The following VANGL2 variants were observed in gnomAD, a reference collection of about 807,000 sequenced individuals.
VANGL2 encodes the protein vang-like protein 2.
Under a neutral mutation model 50.2 loss-of-function variants are expected in VANGL2, and 14 were observed. The observed-to-expected ratio is 0.28, with a 90% CI of 0.18 to 0.44. VANGL2 has a LOEUF of 0.44. Among genes scored for constraint, VANGL2 ranks in the 20% least tolerant of loss-of-function variants. The pLI is 1.00. For missense variants in VANGL2, 533 were observed against 701.5 expected, an observed-to-expected ratio of 0.76 and a Z score of 2.71; for synonymous variants, 295 against 297.2, an observed-to-expected ratio of 0.99 and a Z score of 0.08.
Position 160,416,057 on chromosome 1 carries a change from C to G in VANGL2, c.72-5C>G. On this transcript the variant is annotated splice_region_variant and splice_polypyrimidine_tract_variant and intron_variant, in intron 2 of 7. Coordinates refer to ENST00000368061, the MANE Select transcript of VANGL2 (RefSeq NM_020335.3). ...TTCTGTGCCTTTTCTGGCTTCCTGC[C>G]GCAGGGACCGCCGGGACCGACACCG... 1 of 1,614,200 alleles carries G rather than the reference C, an allele frequency of 6.2e-7. No individual in the cohort carries two copies. Among genetic ancestry groups the G allele is most frequent in the South Asian group, 1.1e-5 (1 of 91,078 alleles).
Position 160,425,207 on chromosome 1 carries a change from G to A in VANGL2, c.1395G>A (p.Glu465=). 6.2e-7 allele frequency: 1 copy of A among 1,614,148 alleles called. No individual in the cohort carries two copies. Among genetic ancestry groups the A allele is most frequent in the Non-Finnish European group, 8.5e-7 (1 of 1,180,026 alleles). The change falls in exon 8 of 8, where the codon GAG becomes GAA. Residue 465 remains glutamate, a synonymous_variant. Coordinates refer to ENST00000368061, the MANE Select transcript of VANGL2 (RefSeq NM_020335.3). ...WLAKQWTLVS[E]EPVTNGLKDG... is the part of the protein sequence containing the mutation. ...CCAAACAGTGGACATTGGTGAGCGA[G>A]GAGCCGGTGACCAACGGCCTCAAGG... is the stretch of plus-strand genomic sequence containing the variant.
chr1:160,403,230 A>G (rs1650543078), intron 1 of VANGL2, among the ~76,000 whole-genome samples: 1 of 151,730 alleles, frequency 6.6e-6, no homozygotes, highest in African/African-American at 2.4e-5. Context: ...AGGCACTTGC[A>G]TCTAAGATGG....
At position 160,427,058 on chromosome 1, in the gene VANGL2, A is replaced by G. The variant is rs74354966; in HGVS notation, c.*1680A>G. The G allele has an allele frequency of 7.7e-3, 1,178 of 152,842 alleles. 10 individuals carry two copies. The highest frequency in any genetic ancestry group is 0.027 in the African/African-American group (1,110 of 41,576). The allele number at this position is 152,842 out of a possible 1,614,324, so 9.5% of individuals were successfully genotyped here. On this transcript the variant is annotated 3_prime_UTR_variant, in exon 8 of 8. Coordinates refer to ENST00000368061, the MANE Select transcript of VANGL2 (RefSeq NM_020335.3). The stretch of plus-strand genomic sequence containing the variant: ...ATGCTAGAGAGGAGCTCATTGGCCA[A>G]TGCTTACCTTGTCCCCAAAGGGGTG...
chr1:160,421,933 T>G (rs897395139), intron 6 of VANGL2, among the ~76,000 whole-genome samples: 2 of 152,184 alleles, frequency 1.3e-5, no homozygotes, highest in Non-Finnish European at 2.9e-5. Context: ...TATATTTTGG[T>G]AAATTCTTAA....
At chr1:160,418,894 A>C (rs1258712086) in intron 3 of VANGL2, 108 bp from the exon 4 acceptor site, 2 of 1,385,424 alleles carry the variant, frequency 1.4e-6, no homozygotes, top group South Asian at 1.4e-5. Flanking sequence ...CTCCTTTCCC[A>C]TGTGTTCTTC....
chr1:160,422,390 C>T (rs868641148), intron 6 of VANGL2, among the ~76,000 whole-genome samples: 9 of 152,212 alleles, frequency 5.9e-5, no homozygotes, highest in African/African-American at 1.4e-4. Flanking sequence ...TCCCCATTAC[C>T]TTGCTTTTAA....
rs1354488926 is a variant in VANGL2 at position 160,415,825 on chromosome 1, G to A, written c.-13G>A. The A allele has an allele frequency of 1.9e-6, 3 of 1,611,710 alleles. No homozygotes were observed. The highest frequency in any genetic ancestry group is 2.5e-6 in the Non-Finnish European group (3 of 1,179,230). ...CGGCCCTGGAGCGCTACAAGGCGCG[G>A]CGTTCAGACGCCATGGACACCGAGT... On this transcript the variant is annotated 5_prime_UTR_variant, in exon 2 of 8. Coordinates refer to ENST00000368061, the MANE Select transcript of VANGL2 (RefSeq NM_020335.3).
In VANGL2 at chr1:160,416,195, G is replaced by T; in HGVS notation, c.192+13G>T. 1 of 1,614,100 alleles carries T rather than the reference G, an allele frequency of 6.2e-7. No individual in the cohort carries two copies. Among genetic ancestry groups the T allele is most frequent in the Non-Finnish European group, 8.5e-7 (1 of 1,179,996 alleles). ...AGGGGATGAGCGGGTGAGCACTGGG[G>T]ATGCGGTGGTCCAGACCGGGCATTT... is the stretch of plus-strand genomic sequence containing the variant. On this transcript the variant is annotated intron_variant, in intron 3 of 7. Coordinates refer to ENST00000368061, the MANE Select transcript of VANGL2 (RefSeq NM_020335.3).
chr1:160,421,019 T>G, intron 5 of VANGL2, 33 bp from the exon 6 acceptor site: 1 of 1,613,816 alleles, frequency 6.2e-7, no homozygotes. Flanking sequence ...CACACTCTGA[T>G]GTGACCATCT....
intron 6 of VANGL2, among the ~76,000 whole-genome samples, chr1:160,422,477 G>A (rs1309032414): frequency 2.6e-5 from 4 of 152,104 alleles, no homozygotes; most frequent in African/African-American, 9.7e-5. Flanking sequence ...AAATGTAGGG[G>A]AAGCAAGAGA....
chr1:160,409,953 C>T (rs1390308210), intron 1 of VANGL2, among the ~76,000 whole-genome samples: 1 of 152,166 alleles, frequency 6.6e-6, no homozygotes, highest in East Asian at 1.9e-4. Flanking sequence ...CATGCATACC[C>T]CTGCCCACGG....
At chr1:160,409,543 T>A (rs111734265) in intron 1 of VANGL2, among the ~76,000 whole-genome samples, 1 of 152,320 alleles carries the variant, frequency 6.6e-6, no homozygotes, top group African/African-American at 2.4e-5. Flanking sequence ...GGAAGCTGTG[T>A]TGGATGTCTG....
At chr1:160,411,302 G>A (rs571616531) in intron 1 of VANGL2, among the ~76,000 whole-genome samples, 4 of 151,910 alleles carry the variant, frequency 2.6e-5, no homozygotes, top group Admixed American at 2.6e-4. Flanking sequence ...CCAGACTAGG[G>A]CAGCTCCCTG....
intron 1 of VANGL2, among the ~76,000 whole-genome samples, chr1:160,409,464 A>G (rs199594938): frequency 6.6e-6 from 1 of 152,052 alleles, no homozygotes; most frequent in Non-Finnish European, 1.5e-5. Flanking sequence ...AGGGAAAGGG[A>G]AAGGGGAAGG....
intron 1 of VANGL2, among the ~76,000 whole-genome samples, chr1:160,410,553 C>G (rs1650842976): frequency 6.6e-6 from 1 of 152,150 alleles, no homozygotes; most frequent in Non-Finnish European, 1.5e-5. Context: ...GCACGCGCCA[C>G]ACATGGGGGT....
chr1:160,411,287 C>G (rs1260260970), intron 1 of VANGL2, among the ~76,000 whole-genome samples: 9 of 151,880 alleles, frequency 5.9e-5, no homozygotes, highest in East Asian at 1.9e-4. Context: ...TAGCCTCCCC[C>G]TTCCCCAGAC....
chr1:160,421,074 T>C lies in VANGL2; in HGVS notation c.960T>C (p.Thr320=). The C allele has an allele frequency of 1.9e-6, 3 of 1,614,148 alleles. No individual in the cohort carries two copies. In the South Asian group the frequency reaches 3.3e-5, roughly 18 times the overall value. Residue 320 remains threonine (T), a synonymous_variant, in exon 6 of 8, where the codon ACT becomes ACC. Transcript: ENST00000368061. Reference sequence around the variant, plus strand: ...CAGAAAACAGCACCAACAACTCCACTGGCCAGTCTCGGGCTGTGATTGCAG... The same window carrying C: ...CAGAAAACAGCACCAACAACTCCACCGGCCAGTCTCGGGCTGTGATTGCAG... ...LGEENSTNNS[T]GQSRAVIAAA... is the part of the protein sequence containing the mutation.
intron 1 of VANGL2, among the ~76,000 whole-genome samples, 171 bp downstream of exon 1, chr1:160,401,040 C>T (rs978286808): frequency 6.6e-6 from 1 of 152,212 alleles, no homozygotes; most frequent in South Asian, 2.1e-4. Flanking sequence ...CTCCGGGCAA[C>T]CCCCTTCCGG....
Position 160,415,801 on chromosome 1 carries a change from G to A in VANGL2, c.-37G>A, listed in dbSNP as rs1212214660. The A allele has an allele frequency of 8.7e-6, 14 of 1,601,386 alleles. No individual in the cohort carries two copies. The African/African-American group carries it at 9.3e-5, about 11-fold the overall frequency. ...GGCCCCCCAAGAGGCCCCAGCCTGCGGCCCTGGAGCGCTACAAGGCGCGGC... is the reference window on the plus strand; with the variant it reads ...GGCCCCCCAAGAGGCCCCAGCCTGCAGCCCTGGAGCGCTACAAGGCGCGGC... On this transcript the variant is annotated 5_prime_UTR_variant, in exon 2 of 8. Transcript: ENST00000368061.
Sources: gnomAD v4.1 joint callset for allele counts (sites outside exome capture counted in the v4.1 genomes callset) on GRCh38, gnomAD v4.1.1 for gene constraint, MANE v1.5 for transcripts, NCBI Gene and HGNC (gene_info 2026-07-23, HGNC 2026-07-21) for gene names.